Variants in GRM1 observed in about 807,000 individuals in gnomAD.
The protein encoded by GRM1 is metabotropic glutamate receptor 1.
A neutral mutation model predicts 90.9 loss-of-function variants in GRM1; 33 were observed. That is an observed-to-expected ratio of 0.36 (90% CI 0.28 to 0.49). GRM1 has a LOEUF of 0.49. Among genes scored for constraint, GRM1 ranks in the 20% least tolerant of loss-of-function variants. The pLI is 0.99. For missense variants in GRM1, 1,190 were observed against 1,534.3 expected (o/e 0.78, Z 3.75); for synonymous variants, 700 against 613.2 (o/e 1.14, Z -2.09).
chr6:146,060,429 T>C (rs1775624640), intron 1 of GRM1, among the ~76,000 whole-genome samples: 1 of 152,106 alleles, frequency 6.6e-6, no homozygotes, highest in Non-Finnish European at 1.5e-5. Context: ...GGCCCTGGTG[T>C]CTGTTGTTCC....
chr6:146,053,513 T>TTGCAGA (rs1423674601), intron 1 of GRM1, among the ~76,000 whole-genome samples: 1 of 152,106 alleles, frequency 6.6e-6, no homozygotes, highest in East Asian at 1.9e-4. Flanking sequence ...GAACCTCATT[T>TTGCAGA]TGCAGATGAG....
chr6:146,171,526 G>A (rs989616644), intron 2 of GRM1: 2 of 215,726 alleles, frequency 9.3e-6, no homozygotes, highest in African/African-American at 4.7e-5. Flanking sequence ...AGTATCCCGT[G>A]ACAACCCAGC....
At chr6:146,239,818 G>A (rs1294748453) in intron 2 of GRM1, among the ~76,000 whole-genome samples, 1 of 152,088 alleles carries the variant, frequency 6.6e-6, no homozygotes, top group African/African-American at 2.4e-5. Flanking sequence ...TTGAAATGAG[G>A]TATCCTTTTT....
intron 1 of GRM1, among the ~76,000 whole-genome samples, chr6:146,093,447 T>C (rs571273976): frequency 7.9e-5 from 12 of 152,218 alleles, no homozygotes; most frequent in Non-Finnish European, 1.5e-4. Context: ...GATTTTACTG[T>C]TGCTAGTTAA....
At chr6:146,259,903 T>A (rs1203355638) in intron 2 of GRM1, among the ~76,000 whole-genome samples, 1 of 150,412 alleles carries the variant, frequency 6.6e-6, no homozygotes, top group Non-Finnish European at 1.5e-5. Context: ...CATTTTATAT[T>A]CCCATCAACA....
At chr6:146,264,225 G>C (rs1161613881) in intron 2 of GRM1, among the ~76,000 whole-genome samples, 1 of 152,040 alleles carries the variant, frequency 6.6e-6, no homozygotes, top group Non-Finnish European at 1.5e-5. Context: ...TTTGCTTACT[G>C]TCCTATAGAA....
At chr6:146,267,626 GGCTGGGCTGGGCTGC>G (rs1184627606) in intron 2 of GRM1, among the ~76,000 whole-genome samples, 1 of 137,778 alleles carries the variant, frequency 7.3e-6, no homozygotes, top group Middle Eastern at 3.6e-3. Flanking sequence ...TGGGAGGCTG[GGCTGGGCTGGGCTGC>G]GCTGGGCTGG....
chr6:146,275,269 T>C (rs1782312273), intron 2 of GRM1, among the ~76,000 whole-genome samples: 1 of 152,072 alleles, frequency 6.6e-6, no homozygotes, highest in Non-Finnish European at 1.5e-5. Context: ...CAGGGCACAA[T>C]TAAGCTAGAC....
At chr6:146,268,658 C>T (rs1782007009) in intron 2 of GRM1, among the ~76,000 whole-genome samples, 1 of 152,140 alleles carries the variant, frequency 6.6e-6, no homozygotes, top group South Asian at 2.1e-4. Flanking sequence ...ATACTACCTC[C>T]TACAATAGAA....
chr6:146,368,008 C>G (rs1177856692), intron 5 of GRM1, among the ~76,000 whole-genome samples: 1 of 152,052 alleles, frequency 6.6e-6, no homozygotes, highest in African/African-American at 2.4e-5. Flanking sequence ...CATGGAATAT[C>G]TTTTTATTGT....
At chr6:146,217,974 T>C (rs1779932556) in intron 2 of GRM1, among the ~76,000 whole-genome samples, 1 of 152,204 alleles carries the variant, frequency 6.6e-6, no homozygotes, top group Non-Finnish European at 1.5e-5. Flanking sequence ...CATATCTTTT[T>C]TCTTTGCAAT....
chr6:146,164,675 C>T (rs778711410), intron 2 of GRM1, among the ~76,000 whole-genome samples: 11 of 152,072 alleles, frequency 7.2e-5, no homozygotes, highest in Non-Finnish European at 1.0e-4. Context: ...CACTGGGTCT[C>T]ACTAGTAGGT....
intron 7 of GRM1, among the ~76,000 whole-genome samples, chr6:146,420,709 C>T (rs1217153553): frequency 6.6e-6 from 1 of 152,076 alleles, no homozygotes; most frequent in Non-Finnish European, 1.5e-5. Context: ...TGTTAGAAAA[C>T]CAAGTCAGTA....
At chr6:146,048,405 A>G (rs1467981134) in intron 1 of GRM1, among the ~76,000 whole-genome samples, 1 of 152,000 alleles carries the variant, frequency 6.6e-6, no homozygotes, top group Non-Finnish European at 1.5e-5. Flanking sequence ...GAGTTAAAGC[A>G]TTTTCCTTTG....
intron 2 of GRM1, among the ~76,000 whole-genome samples, chr6:146,291,496 T>C (rs907410866): frequency 6.6e-6 from 1 of 151,678 alleles, no homozygotes; most frequent in Admixed American, 6.6e-5. Flanking sequence ...TCTTCTGATA[T>C]TTAGGAAAAT....
chr6:146,085,941 A>G (rs1474885533), intron 1 of GRM1, among the ~76,000 whole-genome samples: 1 of 152,124 alleles, frequency 6.6e-6, no homozygotes, highest in Non-Finnish European at 1.5e-5. Flanking sequence ...AGTTTATTTA[A>G]TAGAATTTGA....
chr6:146,402,968 T>C (rs1054547819), intron 7 of GRM1, among the ~76,000 whole-genome samples: 11 of 152,130 alleles, frequency 7.2e-5, no homozygotes, highest in Non-Finnish European at 1.6e-4. Flanking sequence ...CATACTTGTA[T>C]CCTGGGAGAT....
At chr6:146,371,150 G>A (rs1238289454) in intron 5 of GRM1, among the ~76,000 whole-genome samples, 1 of 151,986 alleles carries the variant, frequency 6.6e-6, no homozygotes, top group African/African-American at 2.4e-5. Flanking sequence ...AATAAACATG[G>A]CCTCTTCTTT....
At chr6:146,103,057 G>T (rs548884683) in intron 1 of GRM1, among the ~76,000 whole-genome samples, 2 of 152,180 alleles carry the variant, frequency 1.3e-5, no homozygotes, top group East Asian at 3.9e-4. Context: ...GGTTTTTAGG[G>T]GTCTCTTGGA....
Sources: allele counts gnomAD v4.1 joint callset (sites outside exome capture counted in the v4.1 genomes callset), GRCh38; gene constraint gnomAD v4.1.1; transcripts MANE v1.5; gene names NCBI Gene and HGNC (gene_info 2026-07-23, HGNC 2026-07-21).